MED14: variants seen among roughly 807,000 people sequenced by gnomAD.
The protein encoded by MED14 is mediator of RNA polymerase II transcription subunit 14.
In MED14, 8 loss-of-function variants were observed where a neutral mutation model predicts 109.0. The observed-to-expected ratio is 0.07, with a 90% CI of 0.04 to 0.13. The LOEUF (loss-of-function observed/expected upper bound fraction) is 0.13, where lower values mean the gene tolerates loss of function less well. MED14 is among the 10% of genes least tolerant of loss of function. MED14 has a pLI of 1.00. For synonymous variants in MED14, 399 were observed against 408.7 expected, an observed-to-expected ratio of 0.98 and a Z score of 0.29; for missense variants, 711 against 1,142.4, an observed-to-expected ratio of 0.62 and a Z score of 5.44.
At chrX:40,708,183 G>T (rs1931218895) in intron 10 of MED14, among the ~76,000 whole-genome samples, 2 of 109,614 alleles carry the variant, frequency 1.8e-5, no homozygotes, top group Non-Finnish European at 3.8e-5. Flanking sequence ...CAAATTTCTG[G>T]CAGATCCTTT....
chrX:40,663,308 AC>A (rs1489524583), intron 25 of MED14, 148 bp from the exon 26 acceptor site: 3 of 490,208 alleles, frequency 6.1e-6, no homozygotes, highest in Non-Finnish European at 1.0e-5. Flanking sequence ...TATATTAACA[AC>A]CTGTTAGCAA....
chrX:40,680,763 A>G lies in MED14; in HGVS notation c.2605T>C (p.Leu869=). ...CAGAAAATAAACTTAATTACCTGTA[A>G]TAACTGAACCACATTTGGTGTTTTG... The part of the protein sequence containing the change: ...FNKTPNVVQL[L]QVLFDTQAPL... Residue 869 remains leucine (L), a synonymous_variant, in exon 20 of 31, where the codon TTA becomes CTA. Transcript: ENST00000324817. 8.3e-7 allele frequency: 1 copy of G among 1,201,327 alleles called. No individual in the cohort carries two copies. The highest frequency in any genetic ancestry group is 1.1e-6 in the Non-Finnish European group (1 of 889,270).
intron 3 of MED14, among the ~76,000 whole-genome samples, chrX:40,725,632 C>T (rs1444993835): frequency 9.0e-6 from 1 of 111,551 alleles, no homozygotes; most frequent in Non-Finnish European, 1.9e-5. Context: ...ATTCAACATC[C>T]CTTCATGATA....
chrX:40,701,817 A>G (rs1930946441), intron 11 of MED14, among the ~76,000 whole-genome samples: 1 of 111,692 alleles, frequency 9.0e-6, no homozygotes, highest in African/African-American at 3.3e-5. Flanking sequence ...ATGGGGACAA[A>G]GTATAGAAAA....
intron 26 of MED14, 44 bp from the exon 27 acceptor site, chrX:40,659,651 A>C (rs1192460171): frequency 5.4e-6 from 6 of 1,121,278 alleles, no homozygotes; most frequent in Non-Finnish European, 7.2e-6. Context: ...AGTCAAAGAG[A>C]AAATGAAGAT....
chrX:40,686,071 C>T (rs149776456), intron 16 of MED14, among the ~76,000 whole-genome samples: 3 of 111,507 alleles, frequency 2.7e-5, no homozygotes, highest in African/African-American at 9.8e-5. Context: ...CACTTCTATA[C>T]CCTACCCCAA....
At chrX:40,655,933 A>C (rs1447357857) in intron 28 of MED14, among the ~76,000 whole-genome samples, 2 of 111,512 alleles carry the variant, frequency 1.8e-5, no homozygotes. Flanking sequence ...TGCCATCTGG[A>C]TTCCATCTAT....
intron 11 of MED14, among the ~76,000 whole-genome samples, chrX:40,701,908 A>G (rs1930950092): frequency 9.0e-6 from 1 of 111,445 alleles, no homozygotes; most frequent in African/African-American, 3.3e-5. Context: ...GTGTGATGGT[A>G]TTTGGAGAAG....
chrX:40,676,668 G>A (rs895505308), intron 21 of MED14, among the ~76,000 whole-genome samples: 3 of 111,818 alleles, frequency 2.7e-5, no homozygotes, highest in Non-Finnish European at 3.8e-5. Context: ...GAGAGGGACC[G>A]ATTGATTGGA....
At chrX:40,687,368 A>G (rs368282727) in intron 16 of MED14, among the ~76,000 whole-genome samples, 1 of 111,939 alleles carries the variant, frequency 8.9e-6, no homozygotes, top group East Asian at 2.8e-4. Context: ...AACCACTTCA[A>G]CAAGTGGTTT....
At chrX:40,677,329 G>A (rs183204799) in intron 21 of MED14, among the ~76,000 whole-genome samples, 2 of 111,222 alleles carry the variant, frequency 1.8e-5, no homozygotes, top group Admixed American at 1.9e-4. Context: ...CAAAGAAATG[G>A]CCCAAGGAGA....
intron 10 of MED14, among the ~76,000 whole-genome samples, chrX:40,708,716 C>G (rs2146705527): frequency 8.9e-6 from 1 of 111,895 alleles, no homozygotes; most frequent in African/African-American, 3.2e-5. Context: ...TCCCTCAAAG[C>G]TCTGAATATA....
rs181743520 is a variant in MED14 at position 40,698,389 on chromosome X, C to T, written c.1491-1206G>A. On this transcript the variant is annotated intron_variant, in intron 12 of 30. Transcript: ENST00000324817. Reference sequence around the variant, plus strand: ...AATCTGGAATTGCTATTTCACTCTTCATTATTTGTTATGATTCTGAGGGAC... The same window carrying T: ...AATCTGGAATTGCTATTTCACTCTTTATTATTTGTTATGATTCTGAGGGAC... Among the ~76,000 whole-genome samples the T allele has an allele frequency of 7.9e-3, 891 of 112,222 alleles. 8 individuals carry two copies. The highest frequency in any genetic ancestry group is 0.027 in the African/African-American group (829 of 30,978).
At position 40,655,120 on chromosome X, in the gene MED14, G is replaced by A. The variant is rs924619428; in HGVS notation, c.3973-60C>T. 5.4e-6 allele frequency: 6 copies of A among 1,112,616 alleles called. No homozygotes were observed. In the South Asian group the frequency reaches 1.2e-4, roughly 22 times the overall value. 91.7% of individuals were successfully genotyped at this position (1,112,616 alleles called of 1,213,427 possible). A position where few individuals can be genotyped will look rare whatever the true frequency, so the allele number is the denominator to read the frequency against. On this transcript the variant is annotated intron_variant, in intron 28 of 30. Transcript: ENST00000324817. Reference sequence around the variant, plus strand: ...ATAAACATTTAAAATCATATTCTAGGTAGGAAAGTCTGAGAGGTTAGAATT... The same window carrying A: ...ATAAACATTTAAAATCATATTCTAGATAGGAAAGTCTGAGAGGTTAGAATT...
chrX:40,700,023 C>T (rs1020943519), intron 12 of MED14, among the ~76,000 whole-genome samples: 4 of 110,443 alleles, frequency 3.6e-5, no homozygotes, highest in Admixed American at 9.6e-5. Context: ...GTGGCACACA[C>T]CTGTAATCCC....
intron 15 of MED14, among the ~76,000 whole-genome samples, chrX:40,691,106 G>A (rs1395375620): frequency 8.9e-6 from 1 of 112,131 alleles, no homozygotes; most frequent in East Asian, 2.8e-4. Context: ...CCCATCCTTG[G>A]CCAAACTCCT....
At chrX:40,709,509 C>A in intron 9 of MED14, 50 bp from the exon 10 acceptor site, 1 of 623,369 alleles carries the variant, frequency 1.6e-6, no homozygotes, top group East Asian at 3.7e-5. Flanking sequence ...AACATTTTTA[C>A]TTTAAAAGCC....
intron 3 of MED14, among the ~76,000 whole-genome samples, chrX:40,725,182 A>G (rs1166872781): frequency 8.9e-6 from 1 of 111,997 alleles, no homozygotes; most frequent in Non-Finnish European, 1.9e-5. Context: ...TATATTAATT[A>G]TAATTTGTCT....
In MED14 at chrX:40,649,455, G is replaced by A; in HGVS notation, c.*2351C>T. ...TGGAAAAATGAAGGTGGCAAATCAG[G>A]ACCAATTTCTTATTTCAAGGTTAAA... On this transcript the variant is annotated 3_prime_UTR_variant, in exon 31 of 31. Transcript: ENST00000324817. The A allele has an allele frequency of 3.5e-6, 1 of 287,492 alleles. No individual in the cohort carries two copies. Among genetic ancestry groups the A allele is most frequent in the Non-Finnish European group, 5.2e-6 (1 of 193,318 alleles). The allele number at this position is 287,492 out of a possible 1,213,427, so 23.7% of individuals were successfully genotyped here. A position where few individuals can be genotyped will look rare whatever the true frequency, so the allele number is the denominator to read the frequency against.
Sources: allele counts gnomAD v4.1 joint callset (sites outside exome capture counted in the v4.1 genomes callset), GRCh38; gene constraint gnomAD v4.1.1; transcripts MANE v1.5; gene names NCBI Gene and HGNC (gene_info 2026-07-23, HGNC 2026-07-21).